Variants in MSI2 observed in about 807,000 individuals in gnomAD.
MSI2 encodes RNA-binding protein Musashi homolog 2.
In MSI2, 17 loss-of-function variants were observed where a neutral mutation model predicts 45.6. That is an observed-to-expected ratio of 0.37 (90% confidence interval 0.26 to 0.56). The LOEUF (loss-of-function observed/expected upper bound fraction) is 0.56, where lower values mean the gene tolerates loss of function less well. MSI2 is among the 20% of genes least tolerant of loss of function. MSI2 has a pLI of 0.77. For missense variants in MSI2, 293 were observed against 444.2 expected (o/e 0.66, Z 3.06); for synonymous variants, 156 against 158.2 (o/e 0.99, Z 0.11).
chr17:57,628,816 C>A (rs1909063577), intron 10 of MSI2: 1 of 152,678 alleles, frequency 6.5e-6, no homozygotes. Flanking sequence ...AAGATGCCCC[C>A]CAGCAGCAGG....
At chr17:57,313,780 G>T (rs1007161424) in intron 5 of MSI2, among the ~76,000 whole-genome samples, 2 of 152,190 alleles carry the variant, frequency 1.3e-5, no homozygotes, top group Admixed American at 1.3e-4. Context: ...GGTGAGACAG[G>T]GCTCTACCTT....
intron 7 of MSI2, among the ~76,000 whole-genome samples, chr17:57,572,887 G>C (rs1316717887): frequency 6.6e-6 from 1 of 152,236 alleles, no homozygotes; most frequent in Non-Finnish European, 1.5e-5. Context: ...TGGAGATCAG[G>C]CTGAGATGGC....
intron 6 of MSI2, among the ~76,000 whole-genome samples, chr17:57,416,466 G>A (rs182125536): frequency 2.6e-4 from 39 of 152,328 alleles, no homozygotes; most frequent in African/African-American, 9.4e-4. Context: ...CCCATAGGAA[G>A]CAGCCGCTGT....
At chr17:57,595,991 T>C (rs1486040575) in intron 7 of MSI2, among the ~76,000 whole-genome samples, 1 of 152,240 alleles carries the variant, frequency 6.6e-6, no homozygotes, top group Admixed American at 6.5e-5. Context: ...TCCCTCGCCA[T>C]GTTAACGCTA....
At chr17:57,578,319 A>G (rs552783784) in intron 7 of MSI2, among the ~76,000 whole-genome samples, 5 of 152,126 alleles carry the variant, frequency 3.3e-5, no homozygotes, top group Non-Finnish European at 7.3e-5. Flanking sequence ...ATGAAATGGC[A>G]TTGTTTGTTC....
intron 10 of MSI2, among the ~76,000 whole-genome samples, chr17:57,641,003 G>T (rs1213554734): frequency 6.8e-6 from 1 of 147,950 alleles, no homozygotes; most frequent in African/African-American, 2.4e-5. Context: ...TAAACTACTG[G>T]CTGTTGACAT....
At chr17:57,321,997 A>G (rs1226792633) in intron 5 of MSI2, among the ~76,000 whole-genome samples, 3 of 152,044 alleles carry the variant, frequency 2.0e-5, no homozygotes, top group Non-Finnish European at 4.4e-5. Context: ...AGGTTTTCCC[A>G]TGTTGGCCAG....
chr17:57,602,482 A>G (rs898268865), intron 8 of MSI2, among the ~76,000 whole-genome samples: 5 of 152,150 alleles, frequency 3.3e-5, no homozygotes, highest in African/African-American at 1.2e-4. Flanking sequence ...CCTCCCGAGT[A>G]GCTGGGATTA....
rs59001273 is a variant in MSI2 at position 57,453,002 on chromosome 17, C to CTTTT, written c.405+51549_405+51552dup. On this transcript the variant is annotated intron_variant, in intron 6 of 13. Coordinates refer to ENST00000284073, the MANE Select transcript of MSI2 (RefSeq NM_138962.4). ...TGAGGGCTTGTTTCTGGTTGAGGGA[C>CTTTT]TTTTTTTTTTTTTTTTTTTTTAAGA... Among the ~76,000 whole-genome samples, 336 of 118,234 alleles carry CTTTT rather than the reference C, an allele frequency of 2.8e-3. 3 individuals carry two copies. The highest frequency in any genetic ancestry group is 9.7e-3 in the African/African-American group (303 of 31,182). 77.6% of individuals were successfully genotyped at this position (118,234 alleles called of 152,430 possible).
chr17:57,471,277 CTTTTTTTTTTTTTTTT>C (rs529448901), intron 6 of MSI2, among the ~76,000 whole-genome samples: 9 of 83,712 alleles, frequency 1.1e-4, no homozygotes, highest in African/African-American at 5.1e-5. Context: ...TTATGGAGCA[CTTTTTTTTTTTTTTTT>C]TTTTTTTTTT....
chr17:57,430,849 G>A lies in MSI2; in HGVS notation c.405+29378G>A, dbSNP rs144116680. ...TTGGGTGGAGGAATCAGAGCATAGG[G>A]GGTCCTCTGACCATGAAGATGAAGG... On this transcript the variant is annotated intron_variant, in intron 6 of 13. Transcript: ENST00000284073. Among the ~76,000 whole-genome samples, 1,397 of 152,282 alleles carry A rather than the reference G, an allele frequency of 9.2e-3. 8 individuals are homozygous for A. Among genetic ancestry groups the A allele is most frequent in the South Asian group, 0.033 (160 of 4,828 alleles).
chr17:57,630,193 T>TCGGGG (rs1909227949), intron 10 of MSI2: 2 of 147,022 alleles, frequency 1.4e-5, no homozygotes, highest in Admixed American at 6.8e-5. Context: ...GGGCGGGGGA[T>TCGGGG]GGACTGGGCT....
At chr17:57,547,422 C>T (rs2087194965) in intron 7 of MSI2, among the ~76,000 whole-genome samples, 1 of 152,024 alleles carries the variant, frequency 6.6e-6, no homozygotes, top group South Asian at 2.1e-4. Context: ...TGGAGAAGTG[C>T]AGTGGAGAGC....
intron 6 of MSI2, among the ~76,000 whole-genome samples, chr17:57,420,551 G>A (rs1446341548): frequency 6.6e-6 from 1 of 152,182 alleles, no homozygotes; most frequent in East Asian, 1.9e-4. Context: ...GGGAGTCGGC[G>A]CAGAGCTCCG....
chr17:57,461,510 T>G (rs989762690), intron 6 of MSI2, among the ~76,000 whole-genome samples: 2 of 148,546 alleles, frequency 1.3e-5, no homozygotes, highest in East Asian at 3.9e-4. Context: ...TCGGGAACAG[T>G]AGGGCAGAGC....
chr17:57,527,254 G>A (rs1216784186), intron 6 of MSI2, among the ~76,000 whole-genome samples: 1 of 76,004 alleles, frequency 1.3e-5, no homozygotes, highest in Non-Finnish European at 2.4e-5. Flanking sequence ...ATACCTGGCA[G>A]GACTCATCCC....
intron 6 of MSI2, among the ~76,000 whole-genome samples, chr17:57,454,593 C>T (rs149745064): frequency 0.013 from 1,925 of 152,140 alleles, 30 homozygotes; most frequent in African/African-American, 0.044. Context: ...CCCGCCACCA[C>T]GCCTGGCAAA....
intron 9 of MSI2, among the ~76,000 whole-genome samples, chr17:57,619,405 T>G (rs1332843115): frequency 6.6e-6 from 1 of 152,226 alleles, no homozygotes; most frequent in Admixed American, 6.5e-5. Context: ...AGATGCCTGA[T>G]GATCATCATA....
At chr17:57,372,456 A>G (rs558864764) in intron 5 of MSI2, among the ~76,000 whole-genome samples, 1 of 152,336 alleles carries the variant, frequency 6.6e-6, no homozygotes, top group South Asian at 2.1e-4. Context: ...AATGTGGCAA[A>G]TTTGGAAAAT....
Sources: gnomAD v4.1 joint callset for allele counts (sites outside exome capture counted in the v4.1 genomes callset) on GRCh38, gnomAD v4.1.1 for gene constraint, MANE v1.5 for transcripts, NCBI Gene and HGNC (gene_info 2026-07-23, HGNC 2026-07-21) for gene names.